PDE1B: variants seen among roughly 807,000 people sequenced by gnomAD.
PDE1B encodes the protein dual specificity calcium/calmodulin-dependent 3',5'-cyclic nucleotide phosphodiesterase 1B.
PDE1B carries 13 observed loss-of-function variants against 66.7 expected under a neutral mutation model. The observed-to-expected ratio is 0.19, with a 90% CI of 0.13 to 0.31. PDE1B has a LOEUF of 0.31. PDE1B is among the 10% of genes least tolerant of loss of function. PDE1B has a pLI of 1.00. For missense variants in PDE1B, 485 were observed against 682.3 expected (o/e 0.71, Z 3.22); for synonymous variants, 230 against 253.9 (o/e 0.91, Z 0.90).
At chr12:54,561,517 C>T (rs1418109771) in intron 2 of PDE1B, 8 of 1,432,266 alleles carry the variant, frequency 5.6e-6, no homozygotes, top group Non-Finnish European at 7.4e-6. Context: ...GAAGTTGTCC[C>T]CTCTTGGGGG....
Position 54,575,947 on chromosome 12 carries a change from C to A in PDE1B, c.1268-45C>A. 7.4e-7 allele frequency: 1 copy of A among 1,349,594 alleles called. No individual in the cohort carries two copies. The highest frequency in any genetic ancestry group is 1.1e-6 in the Non-Finnish European group (1 of 939,644). The allele number at this position is 1,349,594 out of a possible 1,614,324, so 83.6% of individuals were successfully genotyped here. ...CAGCTGCATGCTCTGCCTAGCCCTC[C>A]AGATAATAGTAAGACATCTCTACGG... On this transcript the variant is annotated intron_variant, in intron 12 of 15. Transcript: ENST00000243052. This position sits in a 1 kb window ranked among gnomAD's most constrained non-coding sequence, Gnocchi z 4.0.
At chr12:54,561,742 G>T in intron 2 of PDE1B, 1 of 744,412 alleles carries the variant, frequency 1.3e-6, no homozygotes, top group Non-Finnish European at 2.2e-6. Flanking sequence ...AGACCTGGCA[G>T]TCCCCCATAT....
chr12:54,553,555 C>T (rs1957305833), intron 2 of PDE1B, among the ~76,000 whole-genome samples: 1 of 152,164 alleles, frequency 6.6e-6, no homozygotes, highest in South Asian at 2.1e-4. Context: ...TTGAACATAA[C>T]AGGCACTCAA....
Position 54,549,638 on chromosome 12 carries a change from G to C in PDE1B, c.-148G>C, listed in dbSNP as rs966233765. On this transcript the variant is annotated 5_prime_UTR_variant, in exon 1 of 16. Transcript: ENST00000243052. ...CGGCGGCGGTAGCGGCAGCAGCAGCGGCGGTGCGGAGAGCTTGGACTGGGA... is the reference window on the plus strand; with the variant it reads ...CGGCGGCGGTAGCGGCAGCAGCAGCCGCGGTGCGGAGAGCTTGGACTGGGA... 2.1e-6 allele frequency: 1 copy of C among 475,156 alleles called. No individual in the cohort carries two copies. Among genetic ancestry groups the C allele is most frequent in the Non-Finnish European group, 3.7e-6 (1 of 269,904 alleles). 29.4% of individuals were successfully genotyped at this position (475,156 alleles called of 1,614,324 possible).
Position 54,564,789 on chromosome 12 carries a change from T to A in PDE1B, c.114-2185T>A, listed in dbSNP as rs529449494. ...TGCTGGTGGGCTACAGACCACATTT[T>A]AAAAAGCACCGATTAAGAGTTAGTG... On this transcript the variant is annotated intron_variant, in intron 2 of 15. Coordinates refer to ENST00000243052, the MANE Select transcript of PDE1B (RefSeq NM_000924.4). 1.1e-4 allele frequency among the ~76,000 whole-genome samples: 16 copies of A among 152,274 alleles called. No individual in the cohort carries two copies. The East Asian group carries it at 3.1e-3, about 29-fold the overall frequency.
rs1957528990 is a variant in PDE1B at position 54,567,106 on chromosome 12, CAG to C, written c.227+23_227+24del. ...AGACACGGTGAGAGAGACCGACAGA[CAG>C]AGAAGGAGAAAGATGTCAGACATAG... is the stretch of plus-strand genomic sequence containing the variant. On this transcript the variant is annotated intron_variant, in intron 3 of 15. Transcript: ENST00000243052. 1 of 1,274,074 alleles carries C rather than the reference CAG, an allele frequency of 7.8e-7. No homozygotes were observed. 78.9% of individuals were successfully genotyped at this position (1,274,074 alleles called of 1,614,324 possible).
rs765749160 is a variant in PDE1B at position 54,575,251 on chromosome 12, T to C, written c.1185+33T>C. 68 of 1,599,884 alleles carry C rather than the reference T, an allele frequency of 4.3e-5. No individual in the cohort carries two copies. In the Middle Eastern group the frequency reaches 1.0e-3, roughly 23 times the overall value. Reference sequence around the variant, plus strand: ...GGCATCTTTGCCTTCCCTGTGCCTATGGGGGCCTTCTCTCCCCTTTTGCCC... The same window carrying C: ...GGCATCTTTGCCTTCCCTGTGCCTACGGGGGCCTTCTCTCCCCTTTTGCCC... On this transcript the variant is annotated intron_variant, in intron 11 of 15. Transcript: ENST00000243052. This position sits in a 1 kb window ranked among gnomAD's most constrained non-coding sequence, Gnocchi z 4.0.
rs992842418 is a variant in PDE1B, at chr12:54,578,184, A to G, written c.*342A>G. On this transcript the variant is annotated 3_prime_UTR_variant, in exon 16 of 16. Transcript: ENST00000243052. Reference sequence around the variant, plus strand: ...TCCCAGGGCCTTGGGGAAGGGTCAGAGATGCCAGCCCCCTGGGACCTCCCC... The same window carrying G: ...TCCCAGGGCCTTGGGGAAGGGTCAGGGATGCCAGCCCCCTGGGACCTCCCC... 6.6e-6 allele frequency: 1 copy of G among 152,310 alleles called. No homozygotes were observed. The highest frequency in any genetic ancestry group is 2.4e-5 in the African/African-American group (1 of 41,444). The allele number at this position is 152,310 out of a possible 1,614,324, so 9.4% of individuals were successfully genotyped here. A position where few individuals can be genotyped will look rare whatever the true frequency, so the allele number is the denominator to read the frequency against.
At chr12:54,555,909 C>T (rs957250967) in intron 2 of PDE1B, among the ~76,000 whole-genome samples, 4 of 152,164 alleles carry the variant, frequency 2.6e-5, no homozygotes, top group African/African-American at 9.7e-5. Context: ...CTCATCTTGG[C>T]TAGGAGTCAG....
At position 54,579,184 on chromosome 12, in the gene PDE1B, C is replaced by T; in HGVS notation, c.*1342C>T. 1.1e-6 allele frequency: 1 copy of T among 932,190 alleles called. No individual in the cohort carries two copies. Among genetic ancestry groups the T allele is most frequent in the Non-Finnish European group, 1.3e-6 (1 of 781,652 alleles). The allele number at this position is 932,190 out of a possible 1,614,324, so 57.7% of individuals were successfully genotyped here. A position where few individuals can be genotyped will look rare whatever the true frequency, so the allele number is the denominator to read the frequency against. On this transcript the variant is annotated 3_prime_UTR_variant, in exon 16 of 16. Coordinates refer to ENST00000243052, the MANE Select transcript of PDE1B (RefSeq NM_000924.4). ...AGAGACGCATGTGACTCACCCCTGC[C>T]CTTGGTTTCCCAGACCCCTGCTATA... is the stretch of plus-strand genomic sequence containing the variant.
intron 2 of PDE1B, among the ~76,000 whole-genome samples, chr12:54,563,811 C>T (rs1329096139): frequency 6.6e-6 from 1 of 152,164 alleles, no homozygotes; most frequent in Non-Finnish European, 1.5e-5. Context: ...TAAACATTCT[C>T]AAAGTTTAGT....
In PDE1B at chr12:54,572,642, G is replaced by T. The variant is rs1303292132; in HGVS notation, c.636G>T (p.Glu212Asp). The T allele has an allele frequency of 1.2e-6, 2 of 1,613,806 alleles. No individual in the cohort carries two copies. Among genetic ancestry groups the T allele is most frequent in the African/African-American group, 2.7e-5 (2 of 74,912 alleles). The change falls in exon 7 of 16, where the codon GAG (glutamate) becomes GAT (aspartate). Residue 212 changes from glutamate (E) to aspartate (D), a missense_variant. Coordinates refer to ENST00000243052, the MANE Select transcript of PDE1B (RefSeq NM_000924.4). ...TGATGAGTTTCCTGGATGCCTTGGA[G>T]ACAGGCTATGGGAAGTACAAGAATC... ...VFLMSFLDAL[E>D]TGYGKYKNPY...
rs749826828 is a variant in PDE1B, at chr12:54,575,970, C to T, written c.1268-22C>T. 48 of 1,501,344 alleles carry T rather than the reference C, an allele frequency of 3.2e-5. No homozygotes were observed. The highest frequency in any genetic ancestry group is 1.4e-4 in the East Asian group (6 of 44,296). 93.0% of individuals were successfully genotyped at this position (1,501,344 alleles called of 1,614,324 possible). On this transcript the variant is annotated intron_variant, in intron 12 of 15. Transcript: ENST00000243052. The surrounding 1 kb of genome is among the most constrained non-coding windows in gnomAD (Gnocchi z 4.0). ...TCCAGATAATAGTAAGACATCTCTA[C>T]GGCATTGCTCCTCCACTGCAGGGTT...
chr12:54,577,654 C>A, intron 15 of PDE1B: 1 of 1,150,110 alleles, frequency 8.7e-7, no homozygotes, highest in South Asian at 1.9e-5. Flanking sequence ...AAAAGGAGCC[C>A]AGCCAGGGCA....
At chr12:54,561,429 A>C in intron 2 of PDE1B, 3 of 1,263,772 alleles carry the variant, frequency 2.4e-6, no homozygotes, top group Non-Finnish European at 3.0e-6. Context: ...TCCTGCAGCC[A>C]GGCCCCTCCC....
rs1457489367 is a variant in PDE1B, at chr12:54,578,655, G to T, written c.*813G>T. On this transcript the variant is annotated 3_prime_UTR_variant, in exon 16 of 16. Transcript: ENST00000243052. ...CCCTTTGCCTCCTTCCTCTCCCCTGGGGCTGGGAGGCTCCATCCGACCAAT... is the reference window on the plus strand; with the variant it reads ...CCCTTTGCCTCCTTCCTCTCCCCTGTGGCTGGGAGGCTCCATCCGACCAAT... The T allele has an allele frequency of 6.6e-6, 1 of 152,194 alleles. No homozygotes were observed. The highest frequency in any genetic ancestry group is 6.5e-5 in the Admixed American group (1 of 15,274). The allele number at this position is 152,194 out of a possible 1,614,324, so 9.4% of individuals were successfully genotyped here.
Position 54,572,658 on chromosome 12 carries a change from T to C in PDE1B, c.652T>C (p.Tyr218His), listed in dbSNP as rs1414542022. 6.2e-7 allele frequency: 1 copy of C among 1,613,842 alleles called. No individual in the cohort carries two copies. Among genetic ancestry groups the C allele is most frequent in the South Asian group, 1.1e-5 (1 of 91,056 alleles). ...TGCCTTGGAGACAGGCTATGGGAAGTACAAGAATCCTTACCACAACCAGAT... is the reference window on the plus strand; with the variant it reads ...TGCCTTGGAGACAGGCTATGGGAAGCACAAGAATCCTTACCACAACCAGAT... ...LDALETGYGK[Y>H]KNPYHNQIHA... The change falls in exon 7 of 16, where the codon TAC becomes CAC. Residue 218 changes from tyrosine (Y) to histidine (H), a missense_variant. By Grantham distance (83) the Tyr-to-His change is moderately conservative. This residue lies in a region of PDE1B where 282 missense variants were observed against 453.4 expected (regional missense o/e 0.62). Transcript: ENST00000243052.
intron 3 of PDE1B, among the ~76,000 whole-genome samples, chr12:54,567,603 A>G (rs936190492): frequency 3.3e-5 from 5 of 152,054 alleles, no homozygotes; most frequent in South Asian, 2.1e-4. Context: ...AGGCAGACAT[A>G]GAGATGCAGA....
intron 2 of PDE1B, among the ~76,000 whole-genome samples, chr12:54,556,246 G>A (rs573269993): frequency 2.6e-5 from 4 of 152,258 alleles, no homozygotes; most frequent in Admixed American, 2.6e-4. Flanking sequence ...TGGGGAGACT[G>A]GAAGTTGTTA....
Sources: gnomAD v4.1 joint callset for allele counts (sites outside exome capture counted in the v4.1 genomes callset) on GRCh38, gnomAD v4.1.1 for gene constraint, gnomAD v4.1.1 regional missense constraint, Gnocchi (gnomAD v3.1) non-coding constraint, MANE v1.5 for transcripts, NCBI Gene and HGNC (gene_info 2026-07-23, HGNC 2026-07-21) for gene names.